Variants in HDHD2 observed in about 807,000 individuals in gnomAD.
HDHD2 encodes the protein haloacid dehalogenase-like hydrolase domain-containing protein 2.
A neutral mutation model predicts 24.8 loss-of-function variants in HDHD2; 26 were observed. The observed-to-expected ratio is 1.05, with a 90% CI of 0.77 to 1.45. The LOEUF (loss-of-function observed/expected upper bound fraction) is 1.45. Ranked by LOEUF, HDHD2 falls within the 40% of genes most tolerant of loss-of-function variation. The probability of loss-of-function intolerance (pLI) is 0.00; values close to 1 mark genes in which losing one functional copy is unlikely to be tolerated. For missense variants in HDHD2, 299 were observed against 313.4 expected (o/e 0.95, Z 0.35); for synonymous variants, 128 against 114.9 (o/e 1.11, Z -0.73).
At chr18:47,128,853 G>A (rs1004784021) in intron 4 of HDHD2, among the ~76,000 whole-genome samples, 1 of 152,196 alleles carries the variant, frequency 6.6e-6, no homozygotes, top group Admixed American at 6.5e-5. Context: ...CAAACAATGT[G>A]CCCAAATGTG....
chr18:47,123,466 T>A (rs908161669), intron 4 of HDHD2, among the ~76,000 whole-genome samples: 2 of 152,054 alleles, frequency 1.3e-5, no homozygotes, highest in African/African-American at 4.8e-5. Context: ...CGCATGCTTG[T>A]ACTCCCAGCT....
intron 1 of HDHD2, among the ~76,000 whole-genome samples, chr18:47,139,709 C>G (rs1255724432): frequency 1.3e-5 from 2 of 152,046 alleles, no homozygotes; most frequent in African/African-American, 4.8e-5. Flanking sequence ...GACACTATCT[C>G]CAGGTAGACA....
chr18:47,112,875 A>C, intron 6 of HDHD2, 102 bp downstream of exon 6: 2 of 950,576 alleles, frequency 2.1e-6, no homozygotes, highest in Non-Finnish European at 3.3e-6. Flanking sequence ...GGAAGAGAAT[A>C]AAAGTGCCCA....
chr18:47,141,500 C>G (rs2668762), intron 1 of HDHD2, among the ~76,000 whole-genome samples: 1,782 of 152,158 alleles, frequency 0.012, 15 homozygotes, highest in Non-Finnish European at 0.015. Context: ...CTTCTAAAAA[C>G]AGGAGTGTCC....
chr18:47,148,992 A>G (rs1210980837), intron 1 of HDHD2: 1 of 152,222 alleles, frequency 6.6e-6, no homozygotes, highest in African/African-American at 2.4e-5. Flanking sequence ...TTCATTGCTA[A>G]TGTAGAAATA....
Position 47,125,360 on chromosome 18 carries a change from T to C in HDHD2, c.395+4884A>G, listed in dbSNP as rs139065035. Among the ~76,000 whole-genome samples the C allele has an allele frequency of 3.3e-4, 50 of 152,294 alleles. 1 individual carries two copies. Among genetic ancestry groups the C allele is most frequent in the African/African-American group, 1.2e-3 (50 of 41,580 alleles). On this transcript the variant is annotated intron_variant, in intron 4 of 6. Transcript: ENST00000300605. ...TTTACTAAAACTAAACAATTACCTA[T>C]CGTACTATCTAGCAATTTCACTTCT... is the stretch of plus-strand genomic sequence containing the variant.
chr18:47,135,141 ATAAG>A (rs2144356353), intron 2 of HDHD2, among the ~76,000 whole-genome samples: 1 of 152,238 alleles, frequency 6.6e-6, no homozygotes, highest in African/African-American at 2.4e-5. Context: ...TGCCAGATAT[ATAAG>A]TATGTATTTC....
At chr18:47,145,662 C>T (rs565770192) in intron 1 of HDHD2, among the ~76,000 whole-genome samples, 4 of 152,188 alleles carry the variant, frequency 2.6e-5, no homozygotes, top group Admixed American at 2.6e-4. Context: ...TAAGGCAAAA[C>T]TAAAACTTTT....
At chr18:47,115,459 A>C (rs1337839659) in intron 4 of HDHD2, 111 bp from the exon 5 acceptor site, 1 of 665,308 alleles carries the variant, frequency 1.5e-6, no homozygotes, top group African/African-American at 1.8e-5. Context: ...AGAAACAAAT[A>C]GTTTCTTATT....
intron 1 of HDHD2, among the ~76,000 whole-genome samples, chr18:47,143,383 G>T (rs1275100298): frequency 6.6e-6 from 1 of 152,158 alleles, no homozygotes; most frequent in Non-Finnish European, 1.5e-5. Context: ...GGGCTGCAGT[G>T]GGCTATGACC....
At chr18:47,133,034 T>C (rs1336172374) in intron 3 of HDHD2, among the ~76,000 whole-genome samples, 3 of 152,206 alleles carry the variant, frequency 2.0e-5, no homozygotes, top group Non-Finnish European at 2.9e-5. Flanking sequence ...CTAGGGTACA[T>C]GTGCTCAACA....
intron 1 of HDHD2, among the ~76,000 whole-genome samples, chr18:47,145,616 A>G (rs2063861723): frequency 6.6e-6 from 1 of 152,190 alleles, no homozygotes; most frequent in South Asian, 2.1e-4. Context: ...ATACACAACA[A>G]TTTTCTTTTC....
At chr18:47,114,312 T>G (rs1431784962) in intron 5 of HDHD2, among the ~76,000 whole-genome samples, 1 of 152,256 alleles carries the variant, frequency 6.6e-6, no homozygotes, top group Non-Finnish European at 1.5e-5. Context: ...GCTCAAGCTC[T>G]ACTTCCAGCT....
rs943641762 is a variant in HDHD2 at position 47,108,069 on chromosome 18, G to A, written c.*613C>T. 1 of 152,578 alleles carries A rather than the reference G, an allele frequency of 6.6e-6. No individual in the cohort carries two copies. Among genetic ancestry groups the A allele is most frequent in the African/African-American group, 2.4e-5 (1 of 41,424 alleles). 9.5% of individuals were successfully genotyped at this position (152,578 alleles called of 1,614,324 possible). On this transcript the variant is annotated 3_prime_UTR_variant, in exon 7 of 7. Transcript: ENST00000300605. ...AAAATCTGGTTCTAAATTTAAATTA[G>A]TCATCTCTGGCTAATGAAGAGAAAA...
chr18:47,124,280 T>C (rs1410849770), intron 4 of HDHD2, among the ~76,000 whole-genome samples: 1 of 151,984 alleles, frequency 6.6e-6, no homozygotes, highest in Non-Finnish European at 1.5e-5. Flanking sequence ...CAGAAGAAAA[T>C]ACTGACAAAT....
chr18:47,142,309 T>C (rs2063827164), intron 1 of HDHD2, among the ~76,000 whole-genome samples: 1 of 152,186 alleles, frequency 6.6e-6, no homozygotes, highest in Admixed American at 6.5e-5. Flanking sequence ...AAAAAAATTT[T>C]CTTTCCTGTT....
chr18:47,128,947 A>G (rs1278304574), intron 4 of HDHD2, among the ~76,000 whole-genome samples: 5 of 152,196 alleles, frequency 3.3e-5, no homozygotes, highest in Non-Finnish European at 5.9e-5. Flanking sequence ...TACATAATGT[A>G]TAAGTTAGAA....
intron 4 of HDHD2, among the ~76,000 whole-genome samples, chr18:47,117,008 A>G (rs1249672443): frequency 6.6e-6 from 1 of 152,148 alleles, no homozygotes; most frequent in Admixed American, 6.5e-5. Context: ...CTGGTTCTAC[A>G]CTAGGCTGGA....
At chr18:47,144,676 G>A (rs982344835) in intron 1 of HDHD2, among the ~76,000 whole-genome samples, 4 of 151,832 alleles carry the variant, frequency 2.6e-5, no homozygotes, top group African/African-American at 7.3e-5. Flanking sequence ...GCATGGGCCT[G>A]TAGTCCTAGC....
Sources: allele counts gnomAD v4.1 joint callset (sites outside exome capture counted in the v4.1 genomes callset), GRCh38; gene constraint gnomAD v4.1.1; transcripts MANE v1.5; gene names NCBI Gene and HGNC (gene_info 2026-07-23, HGNC 2026-07-21).